Variants in MMAB observed in about 807,000 individuals in gnomAD.
MMAB encodes corrinoid adenosyltransferase MMAB.
Under a neutral mutation model 30.6 loss-of-function variants are expected in MMAB, and 17 were observed. That is an observed-to-expected ratio of 0.56 (90% CI 0.38 to 0.83). The LOEUF is 0.83. Ranked by LOEUF, MMAB falls within the 40% of genes least tolerant of loss-of-function variation. The pLI is 0.00. For missense variants in MMAB, 311 were observed against 331.6 expected (o/e 0.94, Z 0.48); for synonymous variants, 134 against 138.6 (o/e 0.97, Z 0.23).
chr12:109,556,931 G>A lies in MMAB; in HGVS notation c.*97C>T. The A allele has an allele frequency of 1.2e-6, 1 of 800,998 alleles. No homozygotes were observed. The highest frequency in any genetic ancestry group is 2.2e-6 in the Non-Finnish European group (1 of 459,696). The allele number at this position is 800,998 out of a possible 1,614,324, so 49.6% of individuals were successfully genotyped here. ...CAAAAGGCTGCTTTGAGCCTCTCTGGGTGAGCTCTTCAGGAACCAGGACCC... is the reference window on the plus strand; with the variant it reads ...CAAAAGGCTGCTTTGAGCCTCTCTGAGTGAGCTCTTCAGGAACCAGGACCC... On this transcript the variant is annotated 3_prime_UTR_variant, in exon 9 of 9. Transcript: ENST00000545712.
chr12:109,563,292 A>G (rs1884281387), intron 4 of MMAB, among the ~76,000 whole-genome samples: 1 of 152,208 alleles, frequency 6.6e-6, no homozygotes, highest in African/African-American at 2.4e-5. Context: ...GGGCTGGGCA[A>G]GTCAGCCTTT....
rs1003521960 is a variant in MMAB, at chr12:109,558,796, G to A, written c.644+300C>T. Among the ~76,000 whole-genome samples, 4 of 150,878 alleles carry A rather than the reference G, an allele frequency of 2.7e-5. No homozygotes were observed. Among genetic ancestry groups the A allele is most frequent in the Non-Finnish European group, 4.4e-5 (3 of 67,858 alleles). ...CCCTGAGCACCCAGCCTCTAAGAAC[G>A]CCCTTTGCCCCCGCAATGCCACTTT... On this transcript the variant is annotated intron_variant, in intron 8 of 8. Coordinates refer to ENST00000545712, the MANE Select transcript of MMAB (RefSeq NM_052845.4). The surrounding 1 kb of genome is among the most constrained non-coding windows in gnomAD (Gnocchi z 4.3).
chr12:109,566,852 A>AC (rs2136205907), intron 3 of MMAB, among the ~76,000 whole-genome samples: 1 of 152,304 alleles, frequency 6.6e-6, no homozygotes, highest in East Asian at 1.9e-4. Flanking sequence ...GCTCATTAGA[A>AC]TAGCTGATGC....
intron 3 of MMAB, chr12:109,568,440 T>C: frequency 2.3e-6 from 1 of 438,140 alleles, no homozygotes; most frequent in Non-Finnish European, 4.2e-6. Flanking sequence ...TTGGATGTAC[T>C]GTGCATTATA....
chr12:109,573,426 G>GCAGGCCAAGACGGCTCCC lies in MMAB; in HGVS notation c.37_54dup (p.Gly13_Leu18dup), dbSNP rs770077320. ...AGCCTGGCGGCGCCGAAGCACCCGC[G>GCAGGCCAAGACGGCTCCC]CAGGCCAAGACGGCTCCCCAGGCCA... On this transcript the variant is annotated inframe_insertion, in exon 1 of 9. Transcript: ENST00000545712. The GCAGGCCAAGACGGCTCCC allele has an allele frequency of 3.1e-6, 5 of 1,607,352 alleles. No homozygotes were observed. Among genetic ancestry groups the GCAGGCCAAGACGGCTCCC allele is most frequent in the East Asian group, 2.2e-5 (1 of 44,726 alleles).
At position 109,553,904 on chromosome 12, in the gene MMAB, G is replaced by A; in HGVS notation, c.*3124C>T. 2.2e-6 allele frequency: 1 copy of A among 454,070 alleles called. No homozygotes were observed. The highest frequency in any genetic ancestry group is 4.4e-6 in the Non-Finnish European group (1 of 226,776). The allele number at this position is 454,070 out of a possible 1,614,324, so 28.1% of individuals were successfully genotyped here. On this transcript the variant is annotated 3_prime_UTR_variant, in exon 9 of 9. Transcript: ENST00000545712. ...CCACTGACGGGGGCTTCCGAACTGG[G>A]GACGTTTGTCATTGGGATGTGTTAC...
At chr12:109,573,184 C>G (rs1236300187) in intron 1 of MMAB, 163 bp downstream of exon 1, 5 of 863,832 alleles carry the variant, frequency 5.8e-6, no homozygotes, top group African/African-American at 1.7e-5. Flanking sequence ...ACTACCTGGT[C>G]TCTGGCGCCC....
chr12:109,559,755 C>A (rs1047155152), intron 7 of MMAB, among the ~76,000 whole-genome samples: 1 of 152,224 alleles, frequency 6.6e-6, no homozygotes, highest in Non-Finnish European at 1.5e-5. Flanking sequence ...CTGTGGCATA[C>A]CCCTTGTTGG....
Position 109,573,425 on chromosome 12 carries a change from C to CA in MMAB, c.55_56insT (p.Arg19LeufsTer51), listed in dbSNP as rs1884740901. 1 of 1,608,014 alleles carries CA rather than the reference C, an allele frequency of 6.2e-7. No homozygotes were observed. Among genetic ancestry groups the CA allele is most frequent in the East Asian group, 2.2e-5 (1 of 44,706 alleles). On this transcript the variant is annotated frameshift_variant, in exon 1 of 9. Transcript: ENST00000545712. LOFTEE classifies it high-confidence loss of function. ...GAGCCTGGCGGCGCCGAAGCACCCG[C>CA]GCAGGCCAAGACGGCTCCCCAGGCC...
intron 3 of MMAB, among the ~76,000 whole-genome samples, chr12:109,566,788 T>A (rs186014834): frequency 5.3e-5 from 8 of 152,278 alleles, no homozygotes; most frequent in Admixed American, 5.2e-4. Flanking sequence ...ACAACTGAGG[T>A]TTCTCCAACC....
At position 109,569,340 on chromosome 12, in the gene MMAB, C is replaced by A. The variant is rs146584087; in HGVS notation, c.197-477G>T. On this transcript the variant is annotated intron_variant, in intron 2 of 8. Coordinates refer to ENST00000545712, the MANE Select transcript of MMAB (RefSeq NM_052845.4). The surrounding 1 kb of genome is among the most constrained non-coding windows in gnomAD (Gnocchi z 4.1). ...GGTGAATTACTACTAACTGAATATA[C>A]CTCCTTGATCAGCACCTAGCTTCAT... Among the ~76,000 whole-genome samples, 26 of 152,242 alleles carry A rather than the reference C, an allele frequency of 1.7e-4. No individual in the cohort carries two copies. Among genetic ancestry groups the A allele is most frequent in the Non-Finnish European group, 3.1e-4 (21 of 67,998 alleles).
At chr12:109,566,322 A>G (rs1884426847) in intron 3 of MMAB, among the ~76,000 whole-genome samples, 1 of 152,234 alleles carries the variant, frequency 6.6e-6, no homozygotes, top group Admixed American at 6.5e-5. Flanking sequence ...GAAGGTGAAG[A>G]GAAGGGATTT....
At position 109,565,000 on chromosome 12, in the gene MMAB, C is replaced by A. The variant is rs1884363322; in HGVS notation, c.348+119G>T. 7.2e-6 allele frequency: 6 copies of A among 835,224 alleles called. No homozygotes were observed. The East Asian group carries it at 1.2e-4, about 17-fold the overall frequency. The allele number at this position is 835,224 out of a possible 1,614,324, so 51.7% of individuals were successfully genotyped here. A position where few individuals can be genotyped will look rare whatever the true frequency, so the allele number is the denominator to read the frequency against. On this transcript the variant is annotated intron_variant, in intron 4 of 8. Transcript: ENST00000545712. ...ATTTTACAGATGAAGAAATGGAGCT[C>A]ACAGAGGGAGAGTAACTAGCCCCAG...
intron 2 of MMAB, among the ~76,000 whole-genome samples, chr12:109,570,787 T>A (rs1328642815): frequency 6.7e-6 from 1 of 150,366 alleles, no homozygotes; most frequent in East Asian, 1.9e-4. Context: ...GGTGGGAGGA[T>A]TGCTTGAGTC....
intron 3 of MMAB, among the ~76,000 whole-genome samples, chr12:109,566,594 C>A (rs1451817842): frequency 1.3e-5 from 2 of 152,242 alleles, no homozygotes; most frequent in Admixed American, 1.3e-4. Context: ...TTGCCCCAAG[C>A]CTGCTCCCAC....
Position 109,555,374 on chromosome 12 carries a change from G to T in MMAB, c.*1654C>A, listed in dbSNP as rs765127994. The stretch of plus-strand genomic sequence containing the variant: ...CTTGGCTCACTGCAGCCTCTGCCTC[G>T]TAGGTTCAAGTGATTCTCCTGCCTC... On this transcript the variant is annotated 3_prime_UTR_variant, in exon 9 of 9. Transcript: ENST00000545712. 1 of 417,710 alleles carries T rather than the reference G, an allele frequency of 2.4e-6. No individual in the cohort carries two copies. Among genetic ancestry groups the T allele is most frequent in the Non-Finnish European group, 4.6e-6 (1 of 218,072 alleles). 25.9% of individuals were successfully genotyped at this position (417,710 alleles called of 1,614,324 possible).
At chr12:109,563,378 G>A (rs1884284334) in intron 4 of MMAB, among the ~76,000 whole-genome samples, 1 of 152,220 alleles carries the variant, frequency 6.6e-6, no homozygotes, top group Non-Finnish European at 1.5e-5. Flanking sequence ...GGTGAAATGG[G>A]TGATATGAGG....
intron 4 of MMAB, among the ~76,000 whole-genome samples, chr12:109,564,618 C>T (rs915186151): frequency 1.3e-5 from 2 of 151,302 alleles, no homozygotes; most frequent in African/African-American, 4.9e-5. Flanking sequence ...TCTTGAACTC[C>T]TGGCTTGAAG....
chr12:109,559,016 C>T, intron 8 of MMAB, 80 bp downstream of exon 8: 1 of 1,058,370 alleles, frequency 9.4e-7, no homozygotes, highest in Non-Finnish European at 1.5e-6. Flanking sequence ...CACACTGCTT[C>T]CCGGACCGCT....
Sources: gnomAD v4.1 joint callset for allele counts (sites outside exome capture counted in the v4.1 genomes callset) on GRCh38, gnomAD v4.1.1 for gene constraint, Gnocchi (gnomAD v3.1) non-coding constraint, MANE v1.5 for transcripts, NCBI Gene and HGNC (gene_info 2026-07-23, HGNC 2026-07-21) for gene names.